E2F5: variants seen among roughly 807,000 people sequenced by gnomAD.
E2F5 encodes the protein E2F transcription factor 5.
A neutral mutation model predicts 39.1 loss-of-function variants in E2F5; 23 were observed. The observed-to-expected ratio is 0.59, with a 90% CI of 0.42 to 0.83. E2F5 has a LOEUF of 0.83. Among genes scored for constraint, E2F5 ranks in the 40% least tolerant of loss-of-function variants. The pLI is 0.00. For missense variants in E2F5, 365 were observed against 406.7 expected (o/e 0.90, Z 0.88); for synonymous variants, 145 against 157.8 (o/e 0.92, Z 0.61).
At chr8:85,197,595 A>G (rs1180055977) in intron 1 of E2F5, among the ~76,000 whole-genome samples, 1 of 152,196 alleles carries the variant, frequency 6.6e-6, no homozygotes, top group Non-Finnish European at 1.5e-5. Context: ...ACAGGATTTA[A>G]TATTTGGAAG....
At chr8:85,192,519 T>A (rs4150893) in intron 1 of E2F5, among the ~76,000 whole-genome samples, 1 of 151,914 alleles carries the variant, frequency 6.6e-6, no homozygotes, top group Admixed American at 6.6e-5. Flanking sequence ...AAGAGAAAAG[T>A]CTGAGGGTAT....
intron 1 of E2F5, among the ~76,000 whole-genome samples, chr8:85,192,111 G>A (rs189786881): frequency 4.6e-5 from 7 of 152,272 alleles, no homozygotes; most frequent in Non-Finnish European, 1.0e-4. Context: ...GAGTCTATGG[G>A]AATAGGAAAG....
chr8:85,210,354 A>G (rs568840717), intron 6 of E2F5, among the ~76,000 whole-genome samples: 97 of 152,260 alleles, frequency 6.4e-4, no homozygotes, highest in Non-Finnish European at 1.3e-3. Context: ...AAATATGTCT[A>G]TACTACAGAC....
At chr8:85,186,257 T>A (rs1185987049) in intron 1 of E2F5, among the ~76,000 whole-genome samples, 1 of 151,492 alleles carries the variant, frequency 6.6e-6, no homozygotes, top group Non-Finnish European at 1.5e-5. Context: ...ACTATCACAA[T>A]AACAGAAAAC....
At chr8:85,180,877 C>T (rs1812198405) in intron 1 of E2F5, among the ~76,000 whole-genome samples, 2 of 151,098 alleles carry the variant, frequency 1.3e-5, no homozygotes, top group Non-Finnish European at 2.9e-5. Flanking sequence ...CCGCGCCCGG[C>T]CGGTCTTGTT....
At chr8:85,202,936 G>T (rs901608040) in intron 2 of E2F5, among the ~76,000 whole-genome samples, 158 bp from the exon 3 acceptor site, 1 of 152,156 alleles carries the variant, frequency 6.6e-6, no homozygotes, top group African/African-American at 2.4e-5. Context: ...AAGAAGTATG[G>T]TGTTTAAAAT....
Position 85,214,467 on chromosome 8 carries a change from A to AT in E2F5, c.*606dup. 1.2e-6 allele frequency: 1 copy of AT among 858,198 alleles called. No individual in the cohort carries two copies. Among genetic ancestry groups the AT allele is most frequent in the African/African-American group, 1.7e-5 (1 of 58,370 alleles). 53.2% of individuals were successfully genotyped at this position (858,198 alleles called of 1,614,324 possible). A position where few individuals can be genotyped will look rare whatever the true frequency, so the allele number is the denominator to read the frequency against. ...TGTAGTTTGTTTTTAAAATGTGCCAATGCCTGTACATTAACAAGATTTTTA... is the reference window on the plus strand; with the variant it reads ...TGTAGTTTGTTTTTAAAATGTGCCAATTGCCTGTACATTAACAAGATTTTTA... On this transcript the variant is annotated 3_prime_UTR_variant, in exon 8 of 8. Coordinates refer to ENST00000416274, the MANE Select transcript of E2F5 (RefSeq NM_001951.4).
At chr8:85,195,089 G>A (rs1223013168) in intron 1 of E2F5, among the ~76,000 whole-genome samples, 2 of 151,920 alleles carry the variant, frequency 1.3e-5, no homozygotes, top group Admixed American at 6.6e-5. Context: ...GACAGGGTGA[G>A]GTTAAAATAT....
At chr8:85,179,081 G>A (rs544551792) in intron 1 of E2F5, among the ~76,000 whole-genome samples, 1 of 152,112 alleles carries the variant, frequency 6.6e-6, no homozygotes, top group African/African-American at 2.4e-5. Flanking sequence ...TTTATGGCAT[G>A]TGTAGTATTT....
intron 1 of E2F5, among the ~76,000 whole-genome samples, chr8:85,197,486 G>A (rs935690244): frequency 6.6e-6 from 1 of 152,130 alleles, no homozygotes; most frequent in African/African-American, 2.4e-5. Context: ...AGCTTTCCTG[G>A]TTCATTTGTC....
chr8:85,180,029 CTT>C (rs532627984), intron 1 of E2F5, among the ~76,000 whole-genome samples: 1 of 133,388 alleles, frequency 7.5e-6, no homozygotes. Flanking sequence ...TCGTTAAAGC[CTT>C]TTTTTTTTGA....
At chr8:85,199,249 T>C (rs1209579770) in intron 1 of E2F5, among the ~76,000 whole-genome samples, 2 of 152,058 alleles carry the variant, frequency 1.3e-5, no homozygotes, top group Non-Finnish European at 2.9e-5. Context: ...AGAACCTTCG[T>C]GCTTGCTGCT....
chr8:85,181,508 T>G (rs1442879188), intron 1 of E2F5, among the ~76,000 whole-genome samples: 1 of 150,106 alleles, frequency 6.7e-6, no homozygotes, highest in Admixed American at 6.6e-5. Flanking sequence ...TTTTGTTTTT[T>G]TTTTTTTTGT....
intron 1 of E2F5, among the ~76,000 whole-genome samples, chr8:85,199,588 A>G (rs562125397): frequency 1.7e-4 from 26 of 152,258 alleles, no homozygotes; most frequent in African/African-American, 5.1e-4. Flanking sequence ...TTATTCTGTT[A>G]GATATTAAAG....
chr8:85,179,183 G>A (rs1812148512), intron 1 of E2F5, among the ~76,000 whole-genome samples: 1 of 152,230 alleles, frequency 6.6e-6, no homozygotes, highest in Non-Finnish European at 1.5e-5. Flanking sequence ...ACAAAGCACA[G>A]GTGGCAAACT....
chr8:85,180,820 C>G (rs1489181624), intron 1 of E2F5, among the ~76,000 whole-genome samples: 2 of 151,586 alleles, frequency 1.3e-5, no homozygotes, highest in Non-Finnish European at 2.9e-5. Context: ...ACCTCGTGAT[C>G]CGCCCGCCTC....
chr8:85,200,739 C>G (rs896303041), intron 1 of E2F5, among the ~76,000 whole-genome samples: 2 of 152,084 alleles, frequency 1.3e-5, no homozygotes. Context: ...AAAACAGCCT[C>G]GAAGTCAAGA....
rs1386153939 is a variant in E2F5 at position 85,209,182 on chromosome 8, G to A, written c.656G>A (p.Ser219Asn). Residue 219 changes from serine to asparagine, a missense_variant, in exon 6 of 8, where the codon AGT becomes AAT. Physicochemically the swap from Ser to Asn is conservative, Grantham distance 46. Coordinates refer to ENST00000416274, the MANE Select transcript of E2F5 (RefSeq NM_001951.4). ...AAGAAATACCAGATCAATCTAAAGA[G>A]TCATTCAGGACCTATCCATGTGCTG... Reference protein sequence around the residue: ...GQKKYQINLKSHSGPIHVLLI... With the variant: ...GQKKYQINLKNHSGPIHVLLI... 5.0e-6 allele frequency: 8 copies of A among 1,613,990 alleles called. No individual in the cohort carries two copies. Among genetic ancestry groups the A allele is most frequent in the Non-Finnish European group, 6.8e-6 (8 of 1,179,888 alleles).
Position 85,193,327 on chromosome 8 carries a change from TA to T in E2F5, c.235-8813del, listed in dbSNP as rs552291186. On this transcript the variant is annotated intron_variant, in intron 1 of 7. Transcript: ENST00000416274. ...GGTGAAACCCCATCTCTACTAAAAA[TA>T]AAAAAATTAGCTGGGCCTGGTGGTG... Among the ~76,000 whole-genome samples the T allele has an allele frequency of 4.6e-5, 7 of 151,890 alleles. No homozygotes were observed. The Middle Eastern group carries it at 0.01, about 221-fold the overall frequency.
Sources: allele counts gnomAD v4.1 joint callset (sites outside exome capture counted in the v4.1 genomes callset), GRCh38; gene constraint gnomAD v4.1.1; transcripts MANE v1.5; gene names NCBI Gene and HGNC (gene_info 2026-07-23, HGNC 2026-07-21).